Variants in TERB1 observed in about 807,000 individuals in gnomAD.
The protein encoded by TERB1 is telomere repeats-binding bouquet formation protein 1.
Under a neutral mutation model 92.3 loss-of-function variants are expected in TERB1, and 63 were observed. The observed-to-expected ratio is 0.68, with a 90% CI of 0.56 to 0.84. The LOEUF (loss-of-function observed/expected upper bound fraction) is 0.84, where lower values mean the gene tolerates loss of function less well. TERB1 is among the 40% of genes least tolerant of loss of function. TERB1 has a pLI of 0.00. For synonymous variants in TERB1, 252 were observed against 283.9 expected (o/e 0.89, Z 1.13); for missense variants, 709 against 843.7 (o/e 0.84, Z 1.98).
chr16:66,769,849 C>G (rs1567468882), intron 14 of TERB1, 114 bp downstream of exon 14: 1 of 789,294 alleles, frequency 1.3e-6, no homozygotes. Context: ...CTTCCCAAGA[C>G]CATGTTTCAT....
intron 2 of TERB1, among the ~76,000 whole-genome samples, chr16:66,797,683 T>C (rs1043511860): frequency 6.6e-6 from 1 of 150,540 alleles, no homozygotes; most frequent in East Asian, 2.0e-4. Context: ...GGCCTTTCTC[T>C]TCACAAGCTA....
intron 14 of TERB1, among the ~76,000 whole-genome samples, chr16:66,769,275 C>T (rs2018403205): frequency 6.6e-6 from 1 of 152,090 alleles, no homozygotes; most frequent in South Asian, 2.1e-4. Flanking sequence ...AAATTAACAT[C>T]AAGAATGGTC....
At chr16:66,758,602 G>GT (rs1305628766) in intron 18 of TERB1, 171 bp downstream of exon 18, 9 of 503,274 alleles carry the variant, frequency 1.8e-5, no homozygotes, top group Non-Finnish European at 2.4e-5. Flanking sequence ...CCAGCAGGGT[G>GT]TGGTGGCACA....
At chr16:66,777,437 T>G in intron 10 of TERB1, 103 bp from the exon 11 acceptor site, 1 of 626,728 alleles carries the variant, frequency 1.6e-6, no homozygotes, top group Non-Finnish European at 2.6e-6. Context: ...ATGTTATATA[T>G]CTATATAAAA....
chr16:66,765,333 A>G (rs2018320002), intron 16 of TERB1, among the ~76,000 whole-genome samples: 1 of 152,256 alleles, frequency 6.6e-6, no homozygotes, highest in Non-Finnish European at 1.5e-5. Flanking sequence ...ATTCTGTCAG[A>G]TCCAAGACAA....
chr16:66,786,015 A>T lies in TERB1; in HGVS notation c.576T>A (p.Asn192Lys), dbSNP rs1216581998. The part of the protein sequence containing the change: ...TLCVCVNNPQ[N>K]DENQMFCCSL... ...TATTTAAACATGACAGATAATTACC[A>T]TTTTGAGGATTGTTGACACAGACAC... is the stretch of plus-strand genomic sequence containing the variant. Residue 192 changes from asparagine to lysine, a missense_variant and splice_region_variant, in exon 8 of 19, where the codon AAT becomes AAA. By Grantham distance (94) the Asn-to-Lys change is moderately conservative. Coordinates refer to ENST00000433154, the MANE Select transcript of TERB1 (RefSeq NM_001136505.2). 6.5e-7 allele frequency: 1 copy of T among 1,544,088 alleles called. No homozygotes were observed. The highest frequency in any genetic ancestry group is 8.8e-7 in the Non-Finnish European group (1 of 1,142,788).
chr16:66,767,286 C>T, intron 16 of TERB1, 129 bp downstream of exon 16: 1 of 568,698 alleles, frequency 1.8e-6, no homozygotes, highest in Non-Finnish European at 3.1e-6. Context: ...GTGCAGTGAG[C>T]CAAGATCGCG....
rs368200342 is a variant in TERB1, at chr16:66,765,898, T to C, written c.1780+1517A>G. On this transcript the variant is annotated intron_variant, in intron 16 of 18. Coordinates refer to ENST00000433154, the MANE Select transcript of TERB1 (RefSeq NM_001136505.2). Reference sequence around the variant, plus strand: ...TTTTTTTTTTGAGACGGAGTCTCGCTCTGTCGCCCAGGCCGGACTGCGGAC... The same window carrying C: ...TTTTTTTTTTGAGACGGAGTCTCGCCCTGTCGCCCAGGCCGGACTGCGGAC... Among the ~76,000 whole-genome samples the C allele has an allele frequency of 5.4e-3, 703 of 131,386 alleles. 9 individuals are homozygous for C. The highest frequency in any genetic ancestry group is 0.052 in the South Asian group (183 of 3,506). The allele number at this position is 131,386 out of a possible 152,430, so 86.2% of individuals were successfully genotyped here.
At chr16:66,785,352 A>G (rs542139128) in intron 9 of TERB1, among the ~76,000 whole-genome samples, 2 of 152,176 alleles carry the variant, frequency 1.3e-5, no homozygotes, top group South Asian at 4.1e-4. Flanking sequence ...CTAATGTTGT[A>G]TTTTCATTAT....
At chr16:66,760,284 C>G (rs1363892648) in intron 16 of TERB1, among the ~76,000 whole-genome samples, 1 of 142,836 alleles carries the variant, frequency 7.0e-6, no homozygotes, top group African/African-American at 2.6e-5. Flanking sequence ...TATGGCGAAA[C>G]CCCATCTCTA....
intron 3 of TERB1, among the ~76,000 whole-genome samples, chr16:66,795,489 T>C (rs1396946646): frequency 6.6e-6 from 1 of 152,150 alleles, no homozygotes; most frequent in African/African-American, 2.4e-5. Context: ...GATCACTTTC[T>C]GAAAAAAGGT....
chr16:66,768,236 G>C (rs2018383777), intron 14 of TERB1, 68 bp from the exon 15 acceptor site: 3 of 1,225,112 alleles, frequency 2.4e-6, no homozygotes, highest in Non-Finnish European at 3.5e-6. Flanking sequence ...CAATGTTTCT[G>C]TAAGCAGTGT....
intron 9 of TERB1, among the ~76,000 whole-genome samples, chr16:66,783,877 T>C (rs1198550745): frequency 6.6e-6 from 1 of 152,194 alleles, no homozygotes; most frequent in East Asian, 1.9e-4. Flanking sequence ...ACTACAGGCA[T>C]GCGCCACCGT....
At chr16:66,796,865 A>C in intron 2 of TERB1, 35 bp from the exon 3 acceptor site, 1 of 1,118,282 alleles carries the variant, frequency 8.9e-7, no homozygotes, top group Non-Finnish European at 1.3e-6. Flanking sequence ...ATTTAAATCA[A>C]TGTTTGAGAA....
intron 3 of TERB1, among the ~76,000 whole-genome samples, chr16:66,795,197 T>A (rs1248240932): frequency 1.3e-5 from 2 of 152,150 alleles, no homozygotes. Flanking sequence ...AATAAGTATA[T>A]GAAAAGATGC....
chr16:66,764,753 A>C (rs1048831041), intron 16 of TERB1, among the ~76,000 whole-genome samples: 1 of 152,354 alleles, frequency 6.6e-6, no homozygotes. Context: ...AAAGTCTGGG[A>C]GACCAGACAA....
At chr16:66,755,627 TA>T (rs1325990336) in intron 18 of TERB1, among the ~76,000 whole-genome samples, 2 of 151,592 alleles carry the variant, frequency 1.3e-5, no homozygotes, top group African/African-American at 4.9e-5. Flanking sequence ...ATACAAAAAG[TA>T]GCCAGGCATG....
At chr16:66,798,423 C>G (rs1318959100) in intron 2 of TERB1, among the ~76,000 whole-genome samples, 7 of 152,158 alleles carry the variant, frequency 4.6e-5, no homozygotes, top group African/African-American at 7.2e-5. Flanking sequence ...TTCAAGTGAT[C>G]CTCCCGTCTT....
At chr16:66,771,971 G>A (rs2018460023) in intron 13 of TERB1, among the ~76,000 whole-genome samples, 1 of 152,006 alleles carries the variant, frequency 6.6e-6, no homozygotes, top group South Asian at 2.1e-4. Context: ...TCTCTTTCTT[G>A]AACCCCAATT....
Sources: allele counts gnomAD v4.1 joint callset (sites outside exome capture counted in the v4.1 genomes callset), GRCh38; gene constraint gnomAD v4.1.1; transcripts MANE v1.5; gene names NCBI Gene and HGNC (gene_info 2026-07-23, HGNC 2026-07-21).